Variants in LRRK1 observed in about 807,000 individuals in gnomAD.
LRRK1 encodes the protein leucine rich repeat kinase 1.
Under a neutral mutation model 209.1 loss-of-function variants are expected in LRRK1, and 113 were observed. The observed-to-expected ratio is 0.54, with a 90% CI of 0.46 to 0.63. The LOEUF is 0.63. Ranked by LOEUF, LRRK1 falls within the 30% of genes least tolerant of loss-of-function variation. The probability of loss-of-function intolerance (pLI) is 0.00; values close to 1 mark genes in which losing one functional copy is unlikely to be tolerated. For synonymous variants in LRRK1, 1,144 were observed against 1,099.7 expected (o/e 1.04, Z -0.80); for missense variants, 2,284 against 2,632.2 (o/e 0.87, Z 2.89).
intron 2 of LRRK1, among the ~76,000 whole-genome samples, chr15:100,929,426 A>G (rs2042170250): frequency 1.3e-5 from 2 of 152,286 alleles, no homozygotes; most frequent in South Asian, 4.1e-4. Context: ...AGGTTGTTTC[A>G]TGGCTACTTC....
rs1296705143 is a variant in LRRK1, at chr15:101,027,754, G to T, written c.2643G>T (p.Gln881His). The T allele has an allele frequency of 3.1e-6, 5 of 1,604,534 alleles. No individual in the cohort carries two copies. The Middle Eastern group carries it at 5.0e-4, about 159-fold the overall frequency. ...TDRQLEQLVE[Q>H]TPDNDIKDYE... ...GGCAGCTGGAGCAGCTGGTGGAGCA[G>T]ACGCCCGACAACGACATCAAGGACT... The change falls in exon 19 of 34, where the codon CAG becomes CAT. Residue 881 changes from glutamine (Q) to histidine (H), a missense_variant. Gln to His is a conservative substitution (Grantham distance 24). Coordinates refer to ENST00000388948, the MANE Select transcript of LRRK1 (RefSeq NM_024652.6). The surrounding 1 kb of genome is among the most constrained non-coding windows in gnomAD (Gnocchi z 5.1).
Position 101,065,739 on chromosome 15 carries a change from A to C in LRRK1, c.5302A>C (p.Thr1768Pro), listed in dbSNP as rs763381102. Reference protein sequence around the residue: ...ANSLVMYHSTTYQLCARYFCG... With the variant: ...ANSLVMYHSTPYQLCARYFCG... The stretch of plus-strand genomic sequence containing the variant: ...CTCCTTGGTGATGTACCACTCCACC[A>C]CCTACCAGCTGTGTGCCCGGTACTT... Residue 1768 changes from threonine (T) to proline (P), a missense_variant, in exon 32 of 34, where the codon ACC becomes CCC. This residue lies in a region of LRRK1 where 643 missense variants were observed against 695.9 expected (regional missense o/e 0.92). Transcript: ENST00000388948. 1 of 1,614,068 alleles carries C rather than the reference A, an allele frequency of 6.2e-7. No homozygotes were observed. The highest frequency in any genetic ancestry group is 8.5e-7 in the Non-Finnish European group (1 of 1,180,004).
At chr15:100,926,766 C>G (rs2042123534) in intron 2 of LRRK1, among the ~76,000 whole-genome samples, 1 of 135,578 alleles carries the variant, frequency 7.4e-6, no homozygotes, top group South Asian at 2.5e-4. Flanking sequence ...CTCACTGCAA[C>G]TTCCACCTCC....
At chr15:100,959,381 C>T (rs1231948755) in intron 2 of LRRK1, among the ~76,000 whole-genome samples, 1 of 152,200 alleles carries the variant, frequency 6.6e-6, no homozygotes, top group African/African-American at 2.4e-5. Flanking sequence ...AGGGGACAGT[C>T]CAGGACCCAG....
rs1207906068 is a variant in LRRK1 at position 101,069,747 on chromosome 15, T to C, written c.*899T>C. On this transcript the variant is annotated 3_prime_UTR_variant, in exon 34 of 34. Transcript: ENST00000388948. ...CTTCTGGTTGTGAAATCACATTGTA[T>C]GGGATTTATACCAAATTATGTATTT... 2 of 152,668 alleles carry C rather than the reference T, an allele frequency of 1.3e-5. No homozygotes were observed. The highest frequency in any genetic ancestry group is 4.8e-5 in the African/African-American group (2 of 41,468). 9.5% of individuals were successfully genotyped at this position (152,668 alleles called of 1,614,324 possible).
rs1407046075 is a variant in LRRK1, at chr15:100,919,881, GGCGGAGTGTGAGCGC to G, written c.-123+435_-123+449del. On this transcript the variant is annotated intron_variant, in intron 1 of 33. Transcript: ENST00000388948. This position sits in a 1 kb window ranked among gnomAD's most constrained non-coding sequence, Gnocchi z 5.8. ...GAACCCAGTCCCTTAGCGGGGAGCG[GGCGGAGTGTGAGCGC>G]GCGGGTGAGCCCGTGCCGGGGTGTC... 1 of 152,218 alleles carries G rather than the reference GGCGGAGTGTGAGCGC, an allele frequency of 6.6e-6. No individual in the cohort carries two copies. Among genetic ancestry groups the G allele is most frequent in the Non-Finnish European group, 1.5e-5 (1 of 68,164 alleles). 9.4% of individuals were successfully genotyped at this position (152,218 alleles called of 1,614,324 possible).
intron 6 of LRRK1, among the ~76,000 whole-genome samples, chr15:101,001,091 C>T (rs1025431118): frequency 6.6e-6 from 1 of 152,184 alleles, no homozygotes; most frequent in African/African-American, 2.4e-5. Context: ...GAATATTCCT[C>T]CTGGGAGCAG....
intron 23 of LRRK1, chr15:101,050,726 G>T (rs4965776): frequency 0.26 from 40,071 of 152,304 alleles, 5,966 homozygotes; most frequent in Middle Eastern, 0.36. Flanking sequence ...CAGATCCCAG[G>T]GTCTGGTCTC....
chr15:100,988,884 G>C (rs1013956840), intron 5 of LRRK1, 71 bp downstream of exon 5: 1 of 1,272,808 alleles, frequency 7.9e-7, no homozygotes, highest in African/African-American at 1.5e-5. Context: ...GTGGGACTGT[G>C]TCTTTATTCT....
chr15:100,979,557 T>C (rs1164991853), intron 3 of LRRK1, among the ~76,000 whole-genome samples: 1 of 152,028 alleles, frequency 6.6e-6, no homozygotes, highest in Non-Finnish European at 1.5e-5. Flanking sequence ...AAAGAAATGA[T>C]TTATGAAAGA....
rs537401513 is a variant in LRRK1, at chr15:101,042,644, A to G, written c.2964-3337A>G. On this transcript the variant is annotated intron_variant, in intron 20 of 33. Coordinates refer to ENST00000388948, the MANE Select transcript of LRRK1 (RefSeq NM_024652.6). ...GCAGCACACTTCTCTGCCTCCCCAC[A>G]GCATGTGCTCTGGCCCTGGCATTTG... Among the ~76,000 whole-genome samples, 246 of 152,306 alleles carry G rather than the reference A, an allele frequency of 1.6e-3. 1 individual carries two copies. Among genetic ancestry groups the G allele is most frequent in the Admixed American group, 3.8e-3 (58 of 15,298 alleles).
In LRRK1 at chr15:101,065,585, C is replaced by T. The variant is rs757004215; in HGVS notation, c.5148C>T (p.Ile1716=). The change falls in exon 32 of 34, where the codon ATC becomes ATT. Residue 1716 remains isoleucine (I), a synonymous_variant. Transcript: ENST00000388948. The stretch of plus-strand genomic sequence containing the variant: ...GCAATGGGCCGGGCCTCCTTGTCAT[C>T]GACTGTGCCTCCCTGGAGATCTGCA... ...WYSNGPGLLV[I]DCASLEICRR... 10 of 1,614,104 alleles carry T rather than the reference C, an allele frequency of 6.2e-6. No homozygotes were observed. The highest frequency in any genetic ancestry group is 4.4e-5 in the South Asian group (4 of 91,088).
chr15:100,992,160 A>G (rs545210200), intron 6 of LRRK1, among the ~76,000 whole-genome samples: 2 of 152,282 alleles, frequency 1.3e-5, no homozygotes, highest in South Asian at 2.1e-4. Context: ...GTGGTTTTAT[A>G]TAAGATGATG....
intron 3 of LRRK1, among the ~76,000 whole-genome samples, chr15:100,978,664 A>G (rs1335312696): frequency 6.6e-6 from 1 of 152,224 alleles, no homozygotes; most frequent in Non-Finnish European, 1.5e-5. Context: ...GATGAAAGGG[A>G]CAAATCCTTG....
chr15:100,991,112 A>G (rs764799918), intron 6 of LRRK1, among the ~76,000 whole-genome samples: 8 of 152,192 alleles, frequency 5.3e-5, no homozygotes, highest in Non-Finnish European at 1.2e-4. Context: ...TCTCATCTGA[A>G]TTGAGATGTC....
intron 3 of LRRK1, among the ~76,000 whole-genome samples, chr15:100,975,573 C>G (rs1457750158): frequency 6.6e-6 from 1 of 152,068 alleles, no homozygotes; most frequent in Non-Finnish European, 1.5e-5. Flanking sequence ...TGATGAAATC[C>G]CAGCTGATTG....
At chr15:101,046,852 C>T (rs2035107309) in intron 21 of LRRK1, among the ~76,000 whole-genome samples, 1 of 152,188 alleles carries the variant, frequency 6.6e-6, no homozygotes. Flanking sequence ...GGAAGGCGTC[C>T]CCGCTGTCAG....
chr15:101,040,690 C>A (rs1047808555), intron 20 of LRRK1, among the ~76,000 whole-genome samples: 3 of 152,198 alleles, frequency 2.0e-5, no homozygotes, highest in African/African-American at 7.2e-5. Context: ...ATGACAAATA[C>A]AACTAATTTT....
rs776769149 is a variant in LRRK1 at position 101,053,430 on chromosome 15, C to T, written c.4054+10C>T. The T allele has an allele frequency of 1.6e-4, 252 of 1,564,528 alleles. 1 individual carries two copies. The highest frequency in any genetic ancestry group is 2.1e-4 in the Non-Finnish European group (243 of 1,161,156). Reference sequence around the variant, plus strand: ...TCCGAGAACGCCAGAGGTACCGCGGCGCGCCGCCCCACCCGGCCCCGGAGA... The same window carrying T: ...TCCGAGAACGCCAGAGGTACCGCGGTGCGCCGCCCCACCCGGCCCCGGAGA... On this transcript the variant is annotated intron_variant, in intron 26 of 33. Transcript: ENST00000388948.
Sources: gnomAD v4.1 joint callset for allele counts (sites outside exome capture counted in the v4.1 genomes callset) on GRCh38, gnomAD v4.1.1 for gene constraint, gnomAD v4.1.1 regional missense constraint, Gnocchi (gnomAD v3.1) non-coding constraint, MANE v1.5 for transcripts, NCBI Gene and HGNC (gene_info 2026-07-23, HGNC 2026-07-21) for gene names.